Variants in PALM2AKAP2 observed in about 807,000 individuals in gnomAD.
PALM2AKAP2 encodes PALM2 and AKAP2 fusion.
Under a neutral mutation model 71.5 loss-of-function variants are expected in PALM2AKAP2, and 37 were observed. The ratio of observed to expected loss-of-function variants is 0.52; its 90% CI spans 0.40 to 0.68. The LOEUF (loss-of-function observed/expected upper bound fraction) is 0.68. Ranked by LOEUF, PALM2AKAP2 falls within the 30% of genes least tolerant of loss-of-function variation. The pLI is 0.00. For synonymous variants in PALM2AKAP2, 468 were observed against 478.8 expected (o/e 0.98, Z 0.29); for missense variants, 1,224 against 1,191.8 (o/e 1.03, Z -0.40).
chr9:110,162,144 T>G lies in PALM2AKAP2; in HGVS notation c.2748+5647T>G. On this transcript the variant is annotated intron_variant, in intron 3 of 3. Coordinates refer to ENST00000374525, the Ensembl canonical transcript of PALM2AKAP2. ...AGGTGACTTCCGAGGTACTTTTCAA[T>G]TTGTTTGTCTTGGTCTTACTGAATG... The G allele has an allele frequency of 6.2e-7, 1 of 1,613,982 alleles. No homozygotes were observed.
At chr9:109,825,667 C>T (rs1828129009) in intron 1 of PALM2AKAP2, among the ~76,000 whole-genome samples, 1 of 152,142 alleles carries the variant, frequency 6.6e-6, no homozygotes, top group Admixed American at 6.5e-5. Flanking sequence ...CAATGAGATA[C>T]CATCTCACAC....
At chr9:109,729,115 A>G (rs966344815) in intron 1 of PALM2AKAP2, among the ~76,000 whole-genome samples, 2 of 152,088 alleles carry the variant, frequency 1.3e-5, no homozygotes, top group South Asian at 2.1e-4. Flanking sequence ...ACTGCAGCAT[A>G]TTTCATGCTA....
intron 1 of PALM2AKAP2, among the ~76,000 whole-genome samples, chr9:109,726,642 T>G (rs1276111796): frequency 6.6e-6 from 1 of 152,228 alleles, no homozygotes; most frequent in Non-Finnish European, 1.5e-5. Context: ...CATATATATG[T>G]GTGTATGTGT....
chr9:109,681,491 T>C (rs1284962344), intron 1 of PALM2AKAP2, among the ~76,000 whole-genome samples: 1 of 152,166 alleles, frequency 6.6e-6, no homozygotes, highest in East Asian at 1.9e-4. Context: ...AGTGGGGTTG[T>C]AGAGATGAAA....
At chr9:109,711,937 T>C (rs1326405201) in intron 1 of PALM2AKAP2, among the ~76,000 whole-genome samples, 1 of 152,086 alleles carries the variant, frequency 6.6e-6, no homozygotes, top group Non-Finnish European at 1.5e-5. Context: ...ACATTCCAAA[T>C]GAATGATGAC....
At chr9:109,886,034 A>C (rs935922252) in intron 3 of PALM2AKAP2, among the ~76,000 whole-genome samples, 1 of 152,236 alleles carries the variant, frequency 6.6e-6, no homozygotes, top group African/African-American at 2.4e-5. Flanking sequence ...TGTCAGGATT[A>C]TATTTTTGGC....
intron 1 of PALM2AKAP2, among the ~76,000 whole-genome samples, chr9:110,057,369 T>G (rs1173495239): frequency 7.0e-6 from 1 of 143,020 alleles, no homozygotes; most frequent in Non-Finnish European, 1.5e-5. Flanking sequence ...CTTCTCTGTT[T>G]TTTTTTTTTT....
At chr9:109,710,824 A>G (rs1182299142) in intron 1 of PALM2AKAP2, among the ~76,000 whole-genome samples, 5 of 152,138 alleles carry the variant, frequency 3.3e-5, no homozygotes, top group African/African-American at 7.2e-5. Flanking sequence ...ATTGCAGCCA[A>G]TGGTGTCTGC....
intron 1 of PALM2AKAP2, among the ~76,000 whole-genome samples, chr9:110,113,024 C>T (rs1331133157): frequency 6.6e-6 from 1 of 152,174 alleles, no homozygotes; most frequent in Non-Finnish European, 1.5e-5. Flanking sequence ...TGACAGGGTA[C>T]ATTACCATTG....
intron 2 of PALM2AKAP2, among the ~76,000 whole-genome samples, chr9:110,141,150 G>A (rs553132069): frequency 6.6e-6 from 1 of 152,040 alleles, no homozygotes; most frequent in Non-Finnish European, 1.5e-5. Context: ...TGTCCATCAG[G>A]CTTCCCCACC....
At chr9:110,122,801 T>A (rs569079787) in intron 1 of PALM2AKAP2, among the ~76,000 whole-genome samples, 1 of 152,218 alleles carries the variant, frequency 6.6e-6, no homozygotes, top group East Asian at 1.9e-4. Flanking sequence ...GGCAAAACAG[T>A]GCAAATTTAT....
intron 1 of PALM2AKAP2, among the ~76,000 whole-genome samples, chr9:110,088,392 T>C (rs560839152): frequency 6.6e-6 from 1 of 152,354 alleles, no homozygotes; most frequent in South Asian, 2.1e-4. Flanking sequence ...GTTATACTTC[T>C]ATGCAAATGA....
At chr9:109,790,241 A>G (rs1827078725) in intron 1 of PALM2AKAP2, among the ~76,000 whole-genome samples, 1 of 152,168 alleles carries the variant, frequency 6.6e-6, no homozygotes, top group Non-Finnish European at 1.5e-5. Flanking sequence ...CAGCTTTGCA[A>G]TACCAAATAT....
At chr9:109,938,874 C>T (rs1050012502) in intron 6 of PALM2AKAP2, among the ~76,000 whole-genome samples, 30 of 151,956 alleles carry the variant, frequency 2.0e-4, no homozygotes, top group African/African-American at 7.2e-4. Flanking sequence ...ACTGAAAATA[C>T]AAAAATTAGC....
At chr9:110,022,262 G>A (rs1310812546) in intron 7 of PALM2AKAP2, among the ~76,000 whole-genome samples, 1 of 152,080 alleles carries the variant, frequency 6.6e-6, no homozygotes, top group Non-Finnish European at 1.5e-5. Context: ...AGCTTTGCAC[G>A]GTGGTGGGAA....
chr9:110,108,581 T>C (rs1393012789), intron 1 of PALM2AKAP2, among the ~76,000 whole-genome samples: 1 of 152,188 alleles, frequency 6.6e-6, no homozygotes, highest in Non-Finnish European at 1.5e-5. Flanking sequence ...AGGGGTGCAA[T>C]CCATTTACCT....
chr9:110,034,707 C>A (rs894602894), intron 7 of PALM2AKAP2, among the ~76,000 whole-genome samples: 1 of 148,992 alleles, frequency 6.7e-6, no homozygotes, highest in Non-Finnish European at 1.5e-5. Flanking sequence ...CAGGCTCAAG[C>A]GATTCTCCTG....
Position 109,909,833 on chromosome 9 carries a change from T to A in PALM2AKAP2, c.258-13902T>A, listed in dbSNP as rs10980113. 8.6e-4 allele frequency among the ~76,000 whole-genome samples: 131 copies of A among 152,316 alleles called. 1 individual carries two copies. The highest frequency in any genetic ancestry group is 2.1e-4 in the South Asian group (1 of 4,820). ...AGGCAGAGGGGTGGTATGAGCAAAG[T>A]CATTGAGCCAAACAAGGAAATCTTC... On this transcript the variant is annotated intron_variant, in intron 3 of 9. Coordinates refer to the PALM2AKAP2 transcript ENST00000302798.
intron 3 of PALM2AKAP2, among the ~76,000 whole-genome samples, chr9:109,895,885 G>A (rs920402484): frequency 3.3e-5 from 5 of 152,180 alleles, no homozygotes; most frequent in South Asian, 2.1e-4. Flanking sequence ...AAGGAGAAGC[G>A]CTGAGCATAA....
Sources: gnomAD v4.1 joint callset for allele counts (sites outside exome capture counted in the v4.1 genomes callset) on GRCh38, gnomAD v4.1.1 for gene constraint, MANE v1.5 for transcripts, NCBI Gene and HGNC (gene_info 2026-07-23, HGNC 2026-07-21) for gene names.